Variants in FRAS1 observed in about 807,000 individuals in gnomAD.
The protein encoded by FRAS1 is Fraser extracellular matrix complex subunit 1, also known as extracellular matrix organizing protein FRAS1.
Under a neutral mutation model 435.2 loss-of-function variants are expected in FRAS1, and 290 were observed. The observed-to-expected ratio is 0.67, with a 90% CI of 0.61 to 0.73. The LOEUF (loss-of-function observed/expected upper bound fraction) is 0.73, where lower values mean the gene tolerates loss of function less well. Among genes scored for constraint, FRAS1 ranks in the 30% least tolerant of loss-of-function variants. The pLI, the probability that FRAS1 is intolerant of heterozygous loss-of-function variation, is 0.00. For missense variants in FRAS1, 4,860 were observed against 5,001.5 expected (o/e 0.97, Z 0.85); for synonymous variants, 1,800 against 1,851.0 (o/e 0.97, Z 0.71).
At chr4:78,416,061 A>G (rs1272264165) in intron 32 of FRAS1, among the ~76,000 whole-genome samples, 1 of 152,238 alleles carries the variant, frequency 6.6e-6, no homozygotes, top group African/African-American at 2.4e-5. Context: ...GATAAAGAAA[A>G]TGTGATACAG....
At chr4:78,200,752 T>G (rs1281172567) in intron 2 of FRAS1, among the ~76,000 whole-genome samples, 1 of 151,710 alleles carries the variant, frequency 6.6e-6, no homozygotes, top group Non-Finnish European at 1.5e-5. Flanking sequence ...AATTATTCAG[T>G]ATATTTACCT....
chr4:78,401,012 C>G, intron 30 of FRAS1, 125 bp downstream of exon 30: 1 of 804,934 alleles, frequency 1.2e-6, no homozygotes, highest in South Asian at 2.3e-5. Context: ...CCTTACAAAT[C>G]CCCTTTAAAA....
intron 2 of FRAS1, among the ~76,000 whole-genome samples, chr4:78,226,137 T>C (rs1343381011): frequency 1.3e-5 from 2 of 152,212 alleles, no homozygotes; most frequent in Non-Finnish European, 2.9e-5. Context: ...GCCATTACTA[T>C]AACCTTTGAA....
At chr4:78,444,279 A>G (rs1194423104) in intron 41 of FRAS1, 4 of 379,246 alleles carry the variant, frequency 1.1e-5, no homozygotes, top group South Asian at 4.0e-5. Context: ...CCTGAACTGT[A>G]TAGCCTAATG....
chr4:78,481,251 C>T (rs571488872), intron 56 of FRAS1, among the ~76,000 whole-genome samples: 1 of 152,278 alleles, frequency 6.6e-6, no homozygotes, highest in South Asian at 2.1e-4. Flanking sequence ...GAGCTTCATT[C>T]CTAAGATGAG....
rs1392876510 is a variant in FRAS1 at position 78,446,414 on chromosome 4, G to A, written c.5857-313G>A. 5 of 1,106,558 alleles carry A rather than the reference G, an allele frequency of 4.5e-6. No individual in the cohort carries two copies. In the South Asian group the frequency reaches 1.0e-4, roughly 23 times the overall value. The allele number at this position is 1,106,558 out of a possible 1,614,324, so 68.5% of individuals were successfully genotyped here. ...ATTAGTATGGTCTTTTATCTTCAAA[G>A]TATGTTAATACTTGTACTTGTCAAA... On this transcript the variant is annotated intron_variant, in intron 42 of 73. Transcript: ENST00000512123.
intron 2 of FRAS1, among the ~76,000 whole-genome samples, chr4:78,146,538 T>A (rs1351981235): frequency 1.3e-5 from 2 of 152,194 alleles, no homozygotes; most frequent in Non-Finnish European, 2.9e-5. Context: ...GCGAGAATAG[T>A]ACAGTGAACT....
intron 61 of FRAS1, among the ~76,000 whole-genome samples, chr4:78,502,159 C>A (rs1421639863): frequency 1.3e-5 from 2 of 152,188 alleles, no homozygotes; most frequent in African/African-American, 4.8e-5. Context: ...TGTGATGCCT[C>A]CAGCTTTGTT....
At chr4:78,199,709 G>A (rs879664800) in intron 2 of FRAS1, among the ~76,000 whole-genome samples, 1 of 152,188 alleles carries the variant, frequency 6.6e-6, no homozygotes, top group Admixed American at 6.5e-5. Flanking sequence ...CACCTCCTAA[G>A]AGAATTATGC....
chr4:78,474,988 GACTCCATC>G (rs1177004844), intron 53 of FRAS1, among the ~76,000 whole-genome samples: 6 of 152,240 alleles, frequency 3.9e-5, no homozygotes, highest in African/African-American at 1.4e-4. Flanking sequence ...CTTCTGCTCT[GACTCCATC>G]ACACAGTTCC....
intron 42 of FRAS1, 32 bp from the exon 43 acceptor site, chr4:78,446,695 G>A: frequency 6.3e-7 from 1 of 1,598,150 alleles, no homozygotes; most frequent in African/African-American, 1.3e-5. Context: ...TTAAATATCT[G>A]TGTGAGATCT....
chr4:78,433,969 T>C (rs779110061), intron 38 of FRAS1, among the ~76,000 whole-genome samples: 2 of 152,240 alleles, frequency 1.3e-5, no homozygotes, highest in East Asian at 3.8e-4. Context: ...AAAAGAACTA[T>C]TCTAGCCTGC....
chr4:78,537,222 A>C, intron 72 of FRAS1, 22 bp downstream of exon 72: 2 of 1,604,148 alleles, frequency 1.2e-6, no homozygotes, highest in Non-Finnish European at 1.7e-6. Context: ...TCTCACTATT[A>C]GTGTTAAAGA....
intron 19 of FRAS1, among the ~76,000 whole-genome samples, chr4:78,337,313 G>A (rs1003091683): frequency 4.6e-5 from 7 of 152,112 alleles, no homozygotes. Flanking sequence ...CATTCTTTGA[G>A]TCATGGTATG....
At chr4:78,255,978 T>C (rs79049745) in intron 6 of FRAS1, among the ~76,000 whole-genome samples, 1,524 of 152,302 alleles carry the variant, frequency 0.01, 23 homozygotes, top group African/African-American at 0.035. Context: ...TATAGTTTTT[T>C]ACTCTTCCAG....
intron 14 of FRAS1, among the ~76,000 whole-genome samples, chr4:78,298,379 A>G (rs960701266): frequency 7.9e-5 from 12 of 152,040 alleles, no homozygotes; most frequent in African/African-American, 2.6e-4. Context: ...ATCATGTTGT[A>G]TACCTTAAAT....
chr4:78,367,915 T>C (rs1264336853), intron 22 of FRAS1, among the ~76,000 whole-genome samples: 1 of 152,192 alleles, frequency 6.6e-6, no homozygotes, highest in Non-Finnish European at 1.5e-5. Flanking sequence ...TGGATAAAAA[T>C]ATTGATCAAG....
chr4:78,400,920 G>C, intron 30 of FRAS1, 33 bp downstream of exon 30: 1 of 1,607,696 alleles, frequency 6.2e-7, no homozygotes. Flanking sequence ...TGGTTTCATC[G>C]TTGCATTCAG....
intron 4 of FRAS1, among the ~76,000 whole-genome samples, chr4:78,250,857 T>A (rs1375073720): frequency 6.6e-6 from 1 of 152,224 alleles, no homozygotes; most frequent in Non-Finnish European, 1.5e-5. Context: ...ATTTTATAAT[T>A]AGTATTTTTT....
Sources: allele counts gnomAD v4.1 joint callset (sites outside exome capture counted in the v4.1 genomes callset), GRCh38; gene constraint gnomAD v4.1.1; transcripts MANE v1.5; gene names NCBI Gene and HGNC (gene_info 2026-07-23, HGNC 2026-07-21).